PUS7: variants seen among roughly 807,000 people sequenced by gnomAD.
The protein encoded by PUS7 is pseudouridylate synthase 7 homolog.
PUS7 carries 48 observed loss-of-function variants against 79.8 expected under a neutral mutation model. The observed-to-expected ratio is 0.60, with a 90% CI of 0.48 to 0.76. The LOEUF (loss-of-function observed/expected upper bound fraction) is 0.76. Ranked by LOEUF, PUS7 falls within the 30% of genes least tolerant of loss-of-function variation. PUS7 has a pLI of 0.00. For missense variants in PUS7, 729 were observed against 797.6 expected (o/e 0.91, Z 1.04); for synonymous variants, 286 against 272.2 (o/e 1.05, Z -0.50).
At chr7:105,469,477 TGAG>T (rs2133071560) in intron 11 of PUS7, among the ~76,000 whole-genome samples, 1 of 152,166 alleles carries the variant, frequency 6.6e-6, no homozygotes, top group Non-Finnish European at 1.5e-5. Context: ...TTATTCATTT[TGAG>T]ACGGAGTCTC....
chr7:105,464,812 CCTT>C (rs1823570646), intron 13 of PUS7, among the ~76,000 whole-genome samples: 2 of 114,728 alleles, frequency 1.7e-5, no homozygotes, highest in Non-Finnish European at 3.3e-5. Context: ...CCCCCTCTTC[CCTT>C]TTTTTTTTTT....
chr7:105,478,241 T>C (rs1009886942), intron 9 of PUS7, among the ~76,000 whole-genome samples: 1 of 152,246 alleles, frequency 6.6e-6, no homozygotes, highest in Non-Finnish European at 1.5e-5. Context: ...CATTCATCAG[T>C]AGGTGGACAT....
chr7:105,478,382 G>A (rs1824190316), intron 9 of PUS7, among the ~76,000 whole-genome samples: 1 of 152,078 alleles, frequency 6.6e-6, no homozygotes, highest in African/African-American at 2.4e-5. Context: ...AACCTTTTGA[G>A]GAACTGTCAG....
chr7:105,509,081 G>A (rs1444041937), intron 1 of PUS7, among the ~76,000 whole-genome samples: 1 of 147,390 alleles, frequency 6.8e-6, no homozygotes, highest in East Asian at 2.0e-4. Flanking sequence ...CTAGTCAGGA[G>A]GCTGAGGCAG....
Position 105,457,869 on chromosome 7 carries a change from G to C in PUS7, c.1907C>G (p.Thr636Ser). The change falls in exon 16 of 16, where the codon ACC becomes AGC. Residue 636 changes from threonine to serine, a missense_variant. By Grantham distance (58) the Thr-to-Ser change is moderately conservative. Coordinates refer to ENST00000469408, the MANE Select transcript of PUS7 (RefSeq NM_019042.5). ...TTTTAGCACTTCTCGAATGGCCATG[G>C]TGGCGTAAGTAGAAGGGGGTAGAGA... ...DFSLPPSTYA[T>S]MAIREVLKMD... 6.2e-7 allele frequency: 1 copy of C among 1,614,078 alleles called. No individual in the cohort carries two copies. Among genetic ancestry groups the C allele is most frequent in the Non-Finnish European group, 8.5e-7 (1 of 1,179,954 alleles).
At chr7:105,469,941 G>A (rs1823807232) in intron 11 of PUS7, among the ~76,000 whole-genome samples, 1 of 152,190 alleles carries the variant, frequency 6.6e-6, no homozygotes, top group South Asian at 2.1e-4. Flanking sequence ...CACATTCAAA[G>A]CTGTCCTGGG....
chr7:105,510,638 C>T (rs188352252), intron 1 of PUS7, among the ~76,000 whole-genome samples: 96 of 152,058 alleles, frequency 6.3e-4, no homozygotes, highest in East Asian at 2.7e-3. Context: ...CTCAGCCTCC[C>T]GGGTGGCTGG....
intron 1 of PUS7, among the ~76,000 whole-genome samples, chr7:105,521,805 C>CGGAGCGGGGAGCGG (rs1222198752): frequency 1.3e-5 from 2 of 149,900 alleles, no homozygotes; most frequent in Non-Finnish European, 3.0e-5. Context: ...CCGGGCAGAG[C>CGGAGCGGGGAGCGG]GGAGCGGGGA....
chr7:105,482,419 GGCAAGTCTTTGT>G lies in PUS7; in HGVS notation c.930_941del (p.Gln311_Ala314del), dbSNP rs1416577430. 6.2e-7 allele frequency: 1 copy of G among 1,609,830 alleles called. No individual in the cohort carries two copies. Among genetic ancestry groups the G allele is most frequent in the Non-Finnish European group, 8.5e-7 (1 of 1,178,292 alleles). On this transcript the variant is annotated inframe_deletion, in exon 8 of 16. Coordinates refer to ENST00000469408, the MANE Select transcript of PUS7 (RefSeq NM_019042.5). Reference sequence around the variant, plus strand: ...AGTTCATCAAGCACTTATTCAGGTGGGCAAGTCTTTGTGCAGTTATTCTTTAAAAAAAAAAAA... The same window carrying G: ...AGTTCATCAAGCACTTATTCAGGTGGGCAGTTATTCTTTAAAAAAAAAAAA...
intron 4 of PUS7, 30 bp downstream of exon 4, chr7:105,505,925 T>C: frequency 1.9e-6 from 3 of 1,544,592 alleles, no homozygotes; most frequent in Non-Finnish European, 2.7e-6. Context: ...AAACCCTAAA[T>C]AATTTTTCAT....
intron 1 of PUS7, among the ~76,000 whole-genome samples, chr7:105,511,553 G>C (rs1825702688): frequency 6.6e-6 from 1 of 150,782 alleles, no homozygotes; most frequent in Non-Finnish European, 1.5e-5. Context: ...CCTGAGGTCA[G>C]AAGTTCGAGA....
At chr7:105,516,689 G>A (rs1417195639) in intron 1 of PUS7, among the ~76,000 whole-genome samples, 1 of 147,236 alleles carries the variant, frequency 6.8e-6, no homozygotes, top group African/African-American at 2.6e-5. Flanking sequence ...CCTGATCTCA[G>A]GTGATCCATC....
chr7:105,479,456 G>A (rs1310403290), intron 9 of PUS7, among the ~76,000 whole-genome samples: 1 of 152,178 alleles, frequency 6.6e-6, no homozygotes, highest in Non-Finnish European at 1.5e-5. Context: ...AGACAAGGAA[G>A]AACATGGACG....
chr7:105,510,444 CT>C (rs1330779967), intron 1 of PUS7, among the ~76,000 whole-genome samples: 10 of 151,934 alleles, frequency 6.6e-5, no homozygotes, highest in African/African-American at 2.4e-4. Context: ...ATGAAAAGTT[CT>C]GGATAGTGAT....
intron 5 of PUS7, among the ~76,000 whole-genome samples, chr7:105,498,404 G>C (rs1302153521): frequency 6.6e-6 from 1 of 152,128 alleles, no homozygotes; most frequent in Admixed American, 6.5e-5. Context: ...GATTTATACT[G>C]CAAATGCACA....
chr7:105,512,673 G>C (rs1325945504), intron 1 of PUS7, among the ~76,000 whole-genome samples: 1 of 152,146 alleles, frequency 6.6e-6, no homozygotes, highest in Non-Finnish European at 1.5e-5. Flanking sequence ...GCTTGGGAGG[G>C]GCGGAGGCCA....
At position 105,459,210 on chromosome 7, in the gene PUS7, C is replaced by T. The variant is rs1823315042; in HGVS notation, c.1807G>A (p.Val603Met). ...GGTGTCTTCCCTTCTAGGTTGTCCA[C>T]ATCTGTGTTGAAAAGTGGAATTTTG... ...DPKIPLFNTD[V>M]DNLEGKTPPV... Residue 603 changes from valine to methionine, a missense_variant, in exon 15 of 16, where the codon GTG becomes ATG. Coordinates refer to ENST00000469408, the MANE Select transcript of PUS7 (RefSeq NM_019042.5). 6.2e-6 allele frequency: 10 copies of T among 1,611,980 alleles called. No homozygotes were observed. Among genetic ancestry groups the T allele is most frequent in the South Asian group, 2.2e-5 (2 of 90,760 alleles).
intron 11 of PUS7, 57 bp from the exon 12 acceptor site, chr7:105,468,520 TA>T: frequency 6.8e-7 from 1 of 1,470,620 alleles, no homozygotes. Flanking sequence ...AAAAGTGCTG[TA>T]CTTTTTTTTT....
intron 9 of PUS7, among the ~76,000 whole-genome samples, chr7:105,476,720 C>T (rs1231793311): frequency 6.6e-6 from 1 of 152,184 alleles, no homozygotes; most frequent in Non-Finnish European, 1.5e-5. Flanking sequence ...TTTACATCCC[C>T]ACCAGCAAAG....
Sources: gnomAD v4.1 joint callset for allele counts (sites outside exome capture counted in the v4.1 genomes callset) on GRCh38, gnomAD v4.1.1 for gene constraint, MANE v1.5 for transcripts, NCBI Gene and HGNC (gene_info 2026-07-23, HGNC 2026-07-21) for gene names.